The following PXDNL variants were observed in gnomAD, a reference collection of about 807,000 sequenced individuals.
PXDNL encodes the protein probable oxidoreductase PXDNL.
In PXDNL, 145 loss-of-function variants were observed where a neutral mutation model predicts 150.8. The ratio of observed to expected loss-of-function variants is 0.96; its 90% CI spans 0.84 to 1.10. PXDNL has a LOEUF of 1.10. Ranked by LOEUF, PXDNL falls within the 50% of genes least tolerant of loss-of-function variation. The probability of loss-of-function intolerance (pLI) is 0.00; values close to 1 mark genes in which losing one functional copy is unlikely to be tolerated. For synonymous variants in PXDNL, 757 were observed against 725.7 expected (o/e 1.04, Z -0.69); for missense variants, 2,087 against 1,873.9 (o/e 1.11, Z -2.10).
At chr8:51,700,780 A>T (rs1816242620) in intron 1 of PXDNL, among the ~76,000 whole-genome samples, 1 of 152,102 alleles carries the variant, frequency 6.6e-6, no homozygotes. Flanking sequence ...ACACACATAC[A>T]CACATATAAA....
intron 8 of PXDNL, among the ~76,000 whole-genome samples, chr8:51,469,749 C>T (rs1810282936): frequency 6.6e-6 from 1 of 151,994 alleles, no homozygotes; most frequent in Non-Finnish European, 1.5e-5. Flanking sequence ...CTTTATGCTC[C>T]ATGCACTTTC....
At chr8:51,405,357 C>T (rs1428449900) in intron 17 of PXDNL, among the ~76,000 whole-genome samples, 3 of 152,164 alleles carry the variant, frequency 2.0e-5, no homozygotes, top group Admixed American at 2.0e-4. Context: ...GGGTGAAGTC[C>T]TCATTAAAGT....
intron 2 of PXDNL, among the ~76,000 whole-genome samples, chr8:51,613,748 C>A (rs1424510006): frequency 6.6e-6 from 1 of 152,144 alleles, no homozygotes; most frequent in Admixed American, 6.5e-5. Flanking sequence ...GCCTCACCCT[C>A]TAAAATGCAA....
chr8:51,412,128 A>G (rs1586085604), intron 15 of PXDNL, among the ~76,000 whole-genome samples: 1 of 152,214 alleles, frequency 6.6e-6, no homozygotes, highest in Non-Finnish European at 1.5e-5. Context: ...AAAGAAATTT[A>G]AAAGCACTGA....
chr8:51,400,984 T>C (rs1219506068), intron 17 of PXDNL, among the ~76,000 whole-genome samples: 1 of 152,204 alleles, frequency 6.6e-6, no homozygotes, highest in Non-Finnish European at 1.5e-5. Flanking sequence ...CACCCAAGCA[T>C]GTCCCACTTC....
chr8:51,745,781 T>C (rs1173422955), intron 1 of PXDNL, among the ~76,000 whole-genome samples: 5 of 149,538 alleles, frequency 3.3e-5, no homozygotes, highest in African/African-American at 1.2e-4. Flanking sequence ...TTTTTAGATG[T>C]AGTCTCACTC....
At position 51,411,250 on chromosome 8, in the gene PXDNL, C is replaced by G; in HGVS notation, c.2062G>C (p.Glu688Gln). ...AGAATAAAATGGCTTTGTGGCTGAC[C>G]TTTGCCTTCCAAGTCCACAGTGAGC... is the stretch of plus-strand genomic sequence containing the variant. ...QGLTVDLEGKEFRYNDLVSPR... is the reference protein window; with the variant it reads ...QGLTVDLEGKQFRYNDLVSPR... The change falls in exon 16 of 23, where the codon GAA becomes CAA. Residue 688 changes from glutamate to glutamine, a missense_variant and splice_region_variant. Coordinates refer to ENST00000356297, the MANE Select transcript of PXDNL (RefSeq NM_144651.5). 6.8e-7 allele frequency: 1 copy of G among 1,461,184 alleles called. No individual in the cohort carries two copies. Among genetic ancestry groups the G allele is most frequent in the Non-Finnish European group, 9.0e-7 (1 of 1,105,872 alleles). The allele number at this position is 1,461,184 out of a possible 1,614,324, so 90.5% of individuals were successfully genotyped here.
rs183370258 is a variant in PXDNL at position 51,613,507 on chromosome 8, G to C, written c.237-20809C>G. On this transcript the variant is annotated intron_variant, in intron 2 of 22. Coordinates refer to ENST00000356297, the MANE Select transcript of PXDNL (RefSeq NM_144651.5). The stretch of plus-strand genomic sequence containing the variant: ...GGCGGGGGGGGGGCAGGGCGGCAGA[G>C]GGGGAAGACAAGCTTGCAGAGAAAA... 3.3e-5 allele frequency among the ~76,000 whole-genome samples: 5 copies of C among 151,324 alleles called. No individual in the cohort carries two copies. The East Asian group carries it at 9.8e-4, about 30-fold the overall frequency.
intron 3 of PXDNL, among the ~76,000 whole-genome samples, chr8:51,570,525 T>C (rs1299299013): frequency 6.6e-6 from 1 of 151,940 alleles, no homozygotes; most frequent in Non-Finnish European, 1.5e-5. Flanking sequence ...AAAGAAACTT[T>C]CATTTTTCTT....
chr8:51,639,757 C>T (rs1467538490), intron 2 of PXDNL, among the ~76,000 whole-genome samples: 13 of 152,064 alleles, frequency 8.5e-5, no homozygotes, highest in African/African-American at 2.9e-4. Flanking sequence ...GATTCACAGC[C>T]GAATTCTACC....
chr8:51,670,155 T>C (rs1815470556), intron 1 of PXDNL, among the ~76,000 whole-genome samples: 1 of 152,076 alleles, frequency 6.6e-6, no homozygotes, highest in African/African-American at 2.4e-5. Context: ...GGAGAATTGC[T>C]TGAACCCAGG....
chr8:51,335,824 G>T (rs1805819001), intron 21 of PXDNL, among the ~76,000 whole-genome samples: 1 of 151,706 alleles, frequency 6.6e-6, no homozygotes, highest in Non-Finnish European at 1.5e-5. Context: ...ACAATAATCA[G>T]AATCAAACGA....
intron 1 of PXDNL, among the ~76,000 whole-genome samples, chr8:51,801,107 G>A (rs1015173373): frequency 6.6e-5 from 10 of 152,102 alleles, no homozygotes; most frequent in African/African-American, 2.4e-4. Context: ...CTCCTAGCAA[G>A]GAATATTAAA....
chr8:51,396,138 T>C (rs1178999477), intron 17 of PXDNL, among the ~76,000 whole-genome samples: 2 of 152,198 alleles, frequency 1.3e-5, no homozygotes, highest in African/African-American at 4.8e-5. Flanking sequence ...GCAGTCCACC[T>C]ATGCCTGCGA....
intron 3 of PXDNL, among the ~76,000 whole-genome samples, chr8:51,557,295 C>A (rs184133106): frequency 5.0e-4 from 76 of 152,112 alleles, no homozygotes; most frequent in Non-Finnish European, 9.3e-4. Flanking sequence ...CTGGCAAATA[C>A]CACCATGGGA....
intron 5 of PXDNL, among the ~76,000 whole-genome samples, chr8:51,496,685 C>T (rs10958272): frequency 0.54 from 82,040 of 151,990 alleles, 26,129 homozygotes; most frequent in Non-Finnish European, 0.71. Context: ...ATCCCATTCA[C>T]AATTGCTTCA....
intron 7 of PXDNL, among the ~76,000 whole-genome samples, chr8:51,472,837 A>G (rs765527709): frequency 2.6e-5 from 4 of 152,236 alleles, no homozygotes; most frequent in Admixed American, 6.5e-5. Flanking sequence ...AATTATTTCA[A>G]TAAGAAGATG....
chr8:51,403,139 T>G (rs1295728981), intron 17 of PXDNL, among the ~76,000 whole-genome samples: 1 of 151,400 alleles, frequency 6.6e-6, no homozygotes, highest in African/African-American at 2.4e-5. Flanking sequence ...ACAGTGTGAT[T>G]CTTGAGAGCA....
chr8:51,410,143 T>C (rs1808585876), intron 16 of PXDNL, among the ~76,000 whole-genome samples: 1 of 152,244 alleles, frequency 6.6e-6, no homozygotes, highest in Admixed American at 6.5e-5. Flanking sequence ...TTAACCCACA[T>C]GATACTTGAC....
Sources: gnomAD v4.1 joint callset for allele counts (sites outside exome capture counted in the v4.1 genomes callset) on GRCh38, gnomAD v4.1.1 for gene constraint, MANE v1.5 for transcripts, NCBI Gene and HGNC (gene_info 2026-07-23, HGNC 2026-07-21) for gene names.